The following CTNNA3 variants were observed in gnomAD, a reference collection of about 807,000 sequenced individuals.
CTNNA3 encodes the protein catenin alpha 3, also known as catenin alpha-3.
A neutral mutation model predicts 95.7 loss-of-function variants in CTNNA3; 76 were observed. The ratio of observed to expected loss-of-function variants is 0.79; its 90% confidence interval spans 0.66 to 0.96. The LOEUF (loss-of-function observed/expected upper bound fraction) is 0.96, where lower values mean the gene tolerates loss of function less well. CTNNA3 is among the 40% of genes least tolerant of loss of function. CTNNA3 has a pLI of 0.00. For missense variants in CTNNA3, 1,191 were observed against 1,089.8 expected (o/e 1.09, Z -1.31); for synonymous variants, 431 against 374.4 (o/e 1.15, Z -1.74).
At chr10:66,901,401 G>T (rs1162496496) in intron 7 of CTNNA3, among the ~76,000 whole-genome samples, 3 of 152,060 alleles carry the variant, frequency 2.0e-5, no homozygotes, top group Non-Finnish European at 1.5e-5. Flanking sequence ...AGGAACAACT[G>T]GTACCAGCCA....
At chr10:67,305,853 G>A (rs1166350561) in intron 5 of CTNNA3, among the ~76,000 whole-genome samples, 1 of 152,098 alleles carries the variant, frequency 6.6e-6, no homozygotes, top group Admixed American at 6.5e-5. Context: ...AGAAAAATAA[G>A]CAAAGGTGAC....
Position 67,296,728 on chromosome 10 carries a change from G to C in CTNNA3, c.580-76858C>G, listed in dbSNP as rs552833596. On this transcript the variant is annotated intron_variant, in intron 5 of 17. Coordinates refer to ENST00000433211, the MANE Select transcript of CTNNA3 (RefSeq NM_013266.4). The stretch of plus-strand genomic sequence containing the variant: ...GCAGGAAGAACACCTGAGGTCAGGA[G>C]TTCAAGACCAGCCTGGCCAATGTGG... Among the ~76,000 whole-genome samples the C allele has an allele frequency of 7.0e-4, 107 of 152,106 alleles. 4 individuals carry two copies. The South Asian group carries it at 0.021, about 29-fold the overall frequency.
chr10:66,941,872 A>G (rs1444528756), intron 7 of CTNNA3, among the ~76,000 whole-genome samples: 2 of 152,246 alleles, frequency 1.3e-5, no homozygotes, highest in Non-Finnish European at 2.9e-5. Context: ...ATGACCTAAA[A>G]AAACCACTTT....
intron 6 of CTNNA3, among the ~76,000 whole-genome samples, chr10:67,199,339 T>C (rs1411298775): frequency 1.6e-5 from 2 of 125,596 alleles, no homozygotes; most frequent in African/African-American, 9.6e-5. Context: ...TTTAAATGGC[T>C]ACAAGTTTTT....
chr10:67,529,845 A>G (rs1417329253), intron 4 of CTNNA3, among the ~76,000 whole-genome samples: 1 of 151,958 alleles, frequency 6.6e-6, no homozygotes, highest in Non-Finnish European at 1.5e-5. Context: ...CTCATCTTGA[A>G]TTGTAACTCC....
At chr10:67,353,608 A>G (rs1842712714) in intron 5 of CTNNA3, among the ~76,000 whole-genome samples, 1 of 152,006 alleles carries the variant, frequency 6.6e-6, no homozygotes, top group Non-Finnish European at 1.5e-5. Context: ...AGAAAACAAG[A>G]TATATACATT....
intron 9 of CTNNA3, among the ~76,000 whole-genome samples, chr10:66,652,490 C>T (rs1263335022): frequency 1.3e-5 from 2 of 151,920 alleles, no homozygotes; most frequent in Non-Finnish European, 2.9e-5. Context: ...AAGATTAAAT[C>T]AGTAATAAAA....
intron 9 of CTNNA3, among the ~76,000 whole-genome samples, chr10:66,692,693 T>C (rs1199804154): frequency 2.0e-5 from 3 of 151,724 alleles, no homozygotes; most frequent in African/African-American, 7.3e-5. Context: ...AAGGAAAAAA[T>C]GTTAAGGGCA....
rs71299295 is a variant in CTNNA3, at chr10:66,136,712, G to GAGTAACATAACAC, written c.1885-33464_1885-33463insGTGTTATGTTACT. Reference sequence around the variant, plus strand: ...ATCACTGAAAGCGGAGTTTAGAAGAGAGCATTGTGTTGTATTATCTCCATG... The same window carrying GAGTAACATAACAC: ...ATCACTGAAAGCGGAGTTTAGAAGAGAGTAACATAACACAGCATTGTGTTGTATTATCTCCATG... On this transcript the variant is annotated intron_variant, in intron 13 of 17. Transcript: ENST00000433211. Among the ~76,000 whole-genome samples, 32 of 152,028 alleles carry GAGTAACATAACAC rather than the reference G, an allele frequency of 2.1e-4. 1 individual carries two copies. The South Asian group carries it at 6.6e-3, about 31-fold the overall frequency.
intron 5 of CTNNA3, among the ~76,000 whole-genome samples, chr10:67,489,203 T>C (rs75378060): frequency 6.6e-6 from 1 of 152,180 alleles, no homozygotes; most frequent in Non-Finnish European, 1.5e-5. Context: ...CTTTTCTTTA[T>C]GTACCTAAGA....
chr10:66,938,175 G>A (rs1207086976), intron 7 of CTNNA3, among the ~76,000 whole-genome samples: 1 of 151,958 alleles, frequency 6.6e-6, no homozygotes, highest in African/African-American at 2.4e-5. Context: ...ACTTTTTTTA[G>A]TTTTAATTTA....
chr10:66,726,005 G>A (rs188170322), intron 9 of CTNNA3, among the ~76,000 whole-genome samples: 40 of 152,046 alleles, frequency 2.6e-4, no homozygotes, highest in Non-Finnish European at 4.1e-4. Context: ...AAACAAAAGC[G>A]GTATGGGTGG....
Position 65,914,550 on chromosome 10 carries a change from A to T in CTNNA3, c.*5780T>A, listed in dbSNP as rs1486605655. ...AAAGAAGGAAAGATGTATTTGCTAC[A>T]GTTTGGGTAAATTTCAAATACAGGG... On this transcript the variant is annotated 3_prime_UTR_variant, in exon 18 of 18. Transcript: ENST00000433211. 1.3e-5 allele frequency: 2 copies of T among 152,202 alleles called. No individual in the cohort carries two copies. Among genetic ancestry groups the T allele is most frequent in the Non-Finnish European group, 2.9e-5 (2 of 68,016 alleles). The allele number at this position is 152,202 out of a possible 1,614,324, so 9.4% of individuals were successfully genotyped here. A position where few individuals can be genotyped will look rare whatever the true frequency, so the allele number is the denominator to read the frequency against.
intron 1 of CTNNA3, chr10:67,648,835 G>A (rs543540021): frequency 1.0e-5 from 13 of 1,256,748 alleles, no homozygotes; most frequent in South Asian, 6.4e-5. Context: ...TAAGAGACAC[G>A]CTTCAAGAAA....
chr10:66,226,151 T>G (rs758790989), intron 13 of CTNNA3, among the ~76,000 whole-genome samples: 6 of 152,088 alleles, frequency 3.9e-5, no homozygotes, highest in Non-Finnish European at 8.8e-5. Flanking sequence ...CAGGCCAATA[T>G]CTCTAGTTTT....
chr10:66,221,110 G>A, intron 13 of CTNNA3, among the ~76,000 whole-genome samples: 1 of 152,140 alleles, frequency 6.6e-6, no homozygotes, highest in Admixed American at 6.5e-5. Context: ...ATTCAGGAGA[G>A]CACATATTCT....
intron 7 of CTNNA3, among the ~76,000 whole-genome samples, chr10:66,920,411 T>C (rs1161796851): frequency 2.0e-5 from 3 of 152,178 alleles, no homozygotes; most frequent in African/African-American, 7.2e-5. Flanking sequence ...AATGTTTCCT[T>C]ACCTAGTCTT....
intron 9 of CTNNA3, among the ~76,000 whole-genome samples, chr10:66,623,212 T>G (rs544066032): frequency 6.6e-6 from 1 of 152,150 alleles, no homozygotes; most frequent in African/African-American, 2.4e-5. Flanking sequence ...ACACTGCATT[T>G]GCAAAAAATA....
chr10:66,508,625 T>G (rs79417475), intron 11 of CTNNA3, among the ~76,000 whole-genome samples: 2,821 of 152,258 alleles, frequency 0.019, 56 homozygotes, highest in East Asian at 0.081. Context: ...CTTTCATATC[T>G]GAGTGAGAAG....
Sources: allele counts gnomAD v4.1 joint callset (sites outside exome capture counted in the v4.1 genomes callset), GRCh38; gene constraint gnomAD v4.1.1; transcripts MANE v1.5; gene names NCBI Gene and HGNC (gene_info 2026-07-23, HGNC 2026-07-21).